CYP2J2: variants seen among roughly 807,000 people sequenced by gnomAD.
CYP2J2 encodes cytochrome P450 2J2.
A neutral mutation model predicts 48.8 loss-of-function variants in CYP2J2; 41 were observed. The observed-to-expected ratio is 0.84, with a 90% confidence interval of 0.66 to 1.09. The LOEUF is 1.09. Ranked by LOEUF, CYP2J2 falls within the 50% of genes least tolerant of loss-of-function variation. The probability of loss-of-function intolerance (pLI) is 0.00; values close to 1 mark genes in which losing one functional copy is unlikely to be tolerated. For synonymous variants in CYP2J2, 221 were observed against 227.1 expected (o/e 0.97, Z 0.24); for missense variants, 644 against 617.3 (o/e 1.04, Z -0.46).
intron 8 of CYP2J2, among the ~76,000 whole-genome samples, chr1:59,895,971 T>C (rs972794036): frequency 6.6e-6 from 1 of 152,222 alleles, no homozygotes; most frequent in African/African-American, 2.4e-5. Flanking sequence ...TTATAATCTG[T>C]TACTATCATT....
At chr1:59,965,661 T>C in the CYP2J2 span, among the ~76,000 whole-genome samples, 394 of 152,260 alleles carry the variant, frequency 2.6e-3, 2 homozygotes, top group African/African-American at 8.6e-3. Flanking sequence ...ATTCTGTTTT[T>C]TTGTTTTTGA....
At chr1:59,925,795 A>G (rs2102142955) in intron 1 of CYP2J2, among the ~76,000 whole-genome samples, 1 of 152,294 alleles carries the variant, frequency 6.6e-6, no homozygotes, top group African/African-American at 2.4e-5. Context: ...ACCATTCACT[A>G]TTTTATCTAA....
At chr1:59,959,213 T>A in the CYP2J2 span, among the ~76,000 whole-genome samples, 1 of 152,156 alleles carries the variant, frequency 6.6e-6, no homozygotes, top group Non-Finnish European at 1.5e-5. Flanking sequence ...AAAAAGAACA[T>A]CTCTTAACTC....
At chr1:59,893,909 C>T (rs1574242358) in intron 8 of CYP2J2, 80 bp from the exon 9 acceptor site, 1 of 1,393,668 alleles carries the variant, frequency 7.2e-7, no homozygotes, top group Non-Finnish European at 9.7e-7. Context: ...TCAATCATAT[C>T]CCCAAAAAAA....
the CYP2J2 span, among the ~76,000 whole-genome samples, chr1:59,968,920 C>T: frequency 2.0e-5 from 3 of 152,190 alleles, no homozygotes. Context: ...TTCTGATGTT[C>T]GGATATGTTC....
At chr1:59,952,943 CAGTA>C in the CYP2J2 span, among the ~76,000 whole-genome samples, 11 of 152,134 alleles carry the variant, frequency 7.2e-5, no homozygotes, top group Admixed American at 3.9e-4. Flanking sequence ...ATCAGGTACA[CAGTA>C]AGTAAGGCAT....
chr1:59,952,198 C>A, the CYP2J2 span, among the ~76,000 whole-genome samples: 1 of 152,048 alleles, frequency 6.6e-6, no homozygotes, highest in African/African-American at 2.4e-5. Flanking sequence ...ATCAGAAGGG[C>A]TTCCCATGAG....
At chr1:59,893,951 G>C in intron 8 of CYP2J2, 122 bp from the exon 9 acceptor site, 1 of 881,086 alleles carries the variant, frequency 1.1e-6, no homozygotes, top group Non-Finnish European at 1.7e-6. Context: ...AGGCCCCAGG[G>C]TGTTATGGCC....
chr1:59,955,686 A>C, the CYP2J2 span, among the ~76,000 whole-genome samples: 1 of 152,174 alleles, frequency 6.6e-6, no homozygotes, highest in African/African-American at 2.4e-5. Context: ...TCATGTATGT[A>C]GTATTCTGGG....
intron 6 of CYP2J2, among the ~76,000 whole-genome samples, chr1:59,905,621 G>A (rs775711147): frequency 3.3e-5 from 5 of 152,212 alleles, no homozygotes; most frequent in African/African-American, 7.2e-5. Context: ...GACCCATCAG[G>A]TTGCAAACTC....
At chr1:59,917,753 AACAGAGGGTCCCAGGTAG>A (rs1202239218) in intron 1 of CYP2J2, among the ~76,000 whole-genome samples, 3 of 152,192 alleles carry the variant, frequency 2.0e-5, no homozygotes, top group African/African-American at 7.2e-5. Flanking sequence ...GTATCTGTTC[AACAGAGGGTCCCAGGTAG>A]ACCCTGCCCC....
chr1:59,916,105 AAAATAGTT>A lies in CYP2J2; in HGVS notation c.211-13_211-6del, dbSNP rs2102130369. 1.9e-6 allele frequency: 3 copies of A among 1,606,300 alleles called. No homozygotes were observed. Among genetic ancestry groups the A allele is most frequent in the Non-Finnish European group, 2.6e-6 (3 of 1,176,232 alleles). On this transcript the variant is annotated splice_polypyrimidine_tract_variant and splice_region_variant and intron_variant, in intron 1 of 8. Coordinates refer to ENST00000371204, the MANE Select transcript of CYP2J2 (RefSeq NM_000775.4). ...GTTCCCATATTTCTTCACAAACTGAAAAATAGTTAAATCGTAACAGTTGAATATGCACA... is the reference window on the plus strand; with the variant it reads ...GTTCCCATATTTCTTCACAAACTGAAAAATCGTAACAGTTGAATATGCACA...
the CYP2J2 span, among the ~76,000 whole-genome samples, chr1:59,950,130 TCTAAGAAG>T: frequency 7.8e-3 from 1,195 of 152,280 alleles, 16 homozygotes; most frequent in African/African-American, 0.027. Context: ...AGCTAAAGAC[TCTAAGAAG>T]CCATGGACTC....
upstream of CYP2J2, among the ~76,000 whole-genome samples, chr1:59,927,427 AC>A (rs1644576778): frequency 6.6e-6 from 1 of 152,098 alleles, no homozygotes; most frequent in African/African-American, 2.4e-5. Flanking sequence ...AAGCCCCAAG[AC>A]TGTGGGACCT....
chr1:59,921,827 T>C, intron 1 of CYP2J2, among the ~76,000 whole-genome samples: 1 of 152,042 alleles, frequency 6.6e-6, no homozygotes, highest in African/African-American at 2.4e-5. Context: ...ATAGACTGTG[T>C]TTCTGTTCTA....
intron 1 of CYP2J2, among the ~76,000 whole-genome samples, chr1:59,921,165 T>C (rs756778748): frequency 2.0e-5 from 3 of 152,206 alleles, no homozygotes; most frequent in Non-Finnish European, 4.4e-5. Flanking sequence ...TAAATGTCTG[T>C]TGAGTGAATA....
chr1:59,904,794 G>T, intron 7 of CYP2J2, 77 bp downstream of exon 7: 1 of 1,258,200 alleles, frequency 7.9e-7, no homozygotes, highest in Non-Finnish European at 1.1e-6. Context: ...TGATTCCTTA[G>T]GACAAGAATA....
the CYP2J2 span, among the ~76,000 whole-genome samples, chr1:59,965,978 T>C: frequency 6.6e-3 from 1,007 of 152,308 alleles, 4 homozygotes; most frequent in East Asian, 0.023. Flanking sequence ...CTGACGATCA[T>C]GAAGCTTTGT....
chr1:59,935,007 T>TATATAC, the CYP2J2 span, among the ~76,000 whole-genome samples: 26 of 40,444 alleles, frequency 6.4e-4, no homozygotes, highest in African/African-American at 3.7e-3. Context: ...TATATATATA[T>TATATAC]ATATATACAT....
Sources: gnomAD v4.1 joint callset for allele counts (sites outside exome capture counted in the v4.1 genomes callset) on GRCh38, gnomAD v4.1.1 for gene constraint, MANE v1.5 for transcripts, NCBI Gene and HGNC (gene_info 2026-07-23, HGNC 2026-07-21) for gene names.